Variants in LIPA observed in about 807,000 individuals in gnomAD.
LIPA encodes the protein lipase A, lysosomal acid type.
A neutral mutation model predicts 40.6 loss-of-function variants in LIPA; 26 were observed. That is an observed-to-expected ratio of 0.64 (90% CI 0.47 to 0.89). The LOEUF is 0.89. Among genes scored for constraint, LIPA ranks in the 40% least tolerant of loss-of-function variants. The pLI, the probability that LIPA is intolerant of heterozygous loss-of-function variation, is 0.00. For missense variants in LIPA, 455 were observed against 479.6 expected, an observed-to-expected ratio of 0.95 and a Z score of 0.48; for synonymous variants, 188 against 168.4, an observed-to-expected ratio of 1.12 and a Z score of -0.90.
intron 1 of LIPA, among the ~76,000 whole-genome samples, chr10:89,315,749 C>T (rs12772449): frequency 0.24 from 36,567 of 151,964 alleles, 4,548 homozygotes; most frequent in African/African-American, 0.26. Flanking sequence ...GCTCACAGAT[C>T]CCTCCAGGGC....
chr10:89,287,382 T>C (rs899853413), intron 1 of LIPA, among the ~76,000 whole-genome samples: 1 of 152,216 alleles, frequency 6.6e-6, no homozygotes, highest in African/African-American at 2.4e-5. Context: ...TCCCCAACTC[T>C]GATGCCAACT....
chr10:89,392,259 C>T (rs1046260438), intron 2 of LIPA, among the ~76,000 whole-genome samples: 2 of 152,000 alleles, frequency 1.3e-5, no homozygotes, highest in South Asian at 4.2e-4. Flanking sequence ...GAAAATAGAG[C>T]TATCTCCTTC....
At chr10:89,260,027 G>A (rs1356929031) in intron 1 of LIPA, among the ~76,000 whole-genome samples, 3 of 152,162 alleles carry the variant, frequency 2.0e-5, no homozygotes, top group African/African-American at 7.2e-5. Flanking sequence ...ATTTAAATAT[G>A]TGCAGTTTAA....
chr10:89,238,848 G>A (rs1842935232), intron 3 of LIPA, among the ~76,000 whole-genome samples: 1 of 152,138 alleles, frequency 6.6e-6, no homozygotes, highest in Non-Finnish European at 1.5e-5. Context: ...GTCAACAGTA[G>A]GCTATTAGTT....
At chr10:89,396,692 A>G (rs1844349183) in intron 2 of LIPA, among the ~76,000 whole-genome samples, 1 of 152,234 alleles carries the variant, frequency 6.6e-6, no homozygotes, top group Non-Finnish European at 1.5e-5. Flanking sequence ...TGGTGGGGAC[A>G]ATCAAACTGT....
intron 3 of LIPA, among the ~76,000 whole-genome samples, chr10:89,229,444 TACA>T (rs1236425153): frequency 1.3e-5 from 2 of 152,156 alleles, no homozygotes; most frequent in Non-Finnish European, 2.9e-5. Flanking sequence ...CTATAGAATA[TACA>T]ACATCAAGAG....
intron 1 of LIPA, among the ~76,000 whole-genome samples, chr10:89,288,892 G>T (rs1843355482): frequency 6.6e-6 from 1 of 152,188 alleles, no homozygotes; most frequent in Non-Finnish European, 1.5e-5. Context: ...GCAAAAAGAG[G>T]TTTCCTCACT....
At chr10:89,321,458 C>G (rs1253933164) in intron 1 of LIPA, among the ~76,000 whole-genome samples, 1 of 152,132 alleles carries the variant, frequency 6.6e-6, no homozygotes, top group Non-Finnish European at 1.5e-5. Flanking sequence ...AGCCAACAGA[C>G]ACATGAAAAA....
At chr10:89,232,785 G>A (rs1339935103) in intron 3 of LIPA, among the ~76,000 whole-genome samples, 2 of 152,198 alleles carry the variant, frequency 1.3e-5, no homozygotes, top group African/African-American at 4.8e-5. Context: ...GTAACCTCTA[G>A]AGCTTTGAAT....
At chr10:89,326,665 G>C (rs374142633) in intron 1 of LIPA, among the ~76,000 whole-genome samples, 1 of 152,032 alleles carries the variant, frequency 6.6e-6, no homozygotes, top group Non-Finnish European at 1.5e-5. Flanking sequence ...TTGTATGCTC[G>C]CATCAAATAT....
intron 8 of LIPA, among the ~76,000 whole-genome samples, chr10:89,218,632 T>C (rs887408444): frequency 3.3e-5 from 5 of 152,226 alleles, no homozygotes; most frequent in African/African-American, 1.2e-4. Context: ...GAGCTCCCTC[T>C]CCCCTGCCTT....
intron 2 of LIPA, among the ~76,000 whole-genome samples, chr10:89,391,225 A>C (rs988656376): frequency 6.6e-6 from 1 of 152,120 alleles, no homozygotes; most frequent in African/African-American, 2.4e-5. Flanking sequence ...TATTGTTATG[A>C]TTATTTGAGA....
chr10:89,222,735 A>G (rs1231191136), intron 7 of LIPA, among the ~76,000 whole-genome samples, 153 bp from the exon 8 acceptor site: 1 of 152,262 alleles, frequency 6.6e-6, no homozygotes, highest in Non-Finnish European at 1.5e-5. Context: ...TTGACTAAAA[A>G]TCTGCCCTAT....
chr10:89,290,886 GA>G (rs1419907077), intron 1 of LIPA, among the ~76,000 whole-genome samples: 4 of 152,210 alleles, frequency 2.6e-5, no homozygotes, highest in Non-Finnish European at 4.4e-5. Context: ...TCTTCACGTG[GA>G]AAAGAGTGAA....
intron 1 of LIPA, among the ~76,000 whole-genome samples, chr10:89,249,609 C>A (rs373084607): frequency 2.6e-5 from 4 of 151,844 alleles, no homozygotes; most frequent in Non-Finnish European, 5.9e-5. Flanking sequence ...AATAATTATG[C>A]CAAAAGAAGC....
At position 89,306,256 on chromosome 10, in the gene LIPA, T is replaced by C. The variant is rs146813717; in HGVS notation, c.-2+36355A>G. On this transcript the variant is annotated intron_variant, in intron 1 of 5. Coordinates refer to the LIPA transcript ENST00000282673. ...GAAGTCTGGTCACCTGGGGAAACTA[T>C]GCCTGGGTCTACTATCACATGGGCC... 438 of 1,614,172 alleles carry C rather than the reference T, an allele frequency of 2.7e-4. 2 individuals are homozygous for C. The Middle Eastern group carries it at 4.1e-3, about 15-fold the overall frequency.
intron 1 of LIPA, among the ~76,000 whole-genome samples, chr10:89,284,846 T>C (rs988210351): frequency 6.6e-6 from 1 of 152,224 alleles, no homozygotes; most frequent in Non-Finnish European, 1.5e-5. Flanking sequence ...CCTTAACTGA[T>C]GACATTACCT....
At chr10:89,363,796 AG>A (rs1324419957) in intron 2 of LIPA, among the ~76,000 whole-genome samples, 2 of 136,198 alleles carry the variant, frequency 1.5e-5, no homozygotes, top group East Asian at 2.4e-4. Context: ...AAAAAAAGCG[AG>A]GGGGGGCGGG....
intron 1 of LIPA, among the ~76,000 whole-genome samples, chr10:89,315,645 T>C (rs1272284550): frequency 6.6e-6 from 1 of 152,134 alleles, no homozygotes; most frequent in Non-Finnish European, 1.5e-5. Flanking sequence ...CATAAATATA[T>C]AATCCATCCA....
Sources: allele counts gnomAD v4.1 joint callset (sites outside exome capture counted in the v4.1 genomes callset), GRCh38; gene constraint gnomAD v4.1.1; transcripts MANE v1.5; gene names NCBI Gene and HGNC (gene_info 2026-07-23, HGNC 2026-07-21).